MCTP1: variants seen among roughly 807,000 people sequenced by gnomAD.
The protein encoded by MCTP1 is multiple C2 and transmembrane domain-containing protein 1.
In MCTP1, 69 loss-of-function variants were observed where a neutral mutation model predicts 120.6. The observed-to-expected ratio is 0.57, with a 90% CI of 0.47 to 0.70. The LOEUF is 0.70. Ranked by LOEUF, MCTP1 falls within the 30% of genes least tolerant of loss-of-function variation. MCTP1 has a pLI of 0.00. For missense variants in MCTP1, 1,203 were observed against 1,248.8 expected (o/e 0.96, Z 0.55); for synonymous variants, 529 against 493.1 (o/e 1.07, Z -0.96).
At chr5:95,148,799 A>G (rs1007168901) in intron 1 of MCTP1, among the ~76,000 whole-genome samples, 3 of 152,060 alleles carry the variant, frequency 2.0e-5, no homozygotes, top group South Asian at 2.1e-4. Flanking sequence ...TTCTCATCTG[A>G]GAGGGCTGGT....
Position 94,704,342 on chromosome 5 carries a change from A to ATAAC in MCTP1, c.*3150_*3153dup, listed in dbSNP as rs1371340849. On this transcript the variant is annotated 3_prime_UTR_variant, in exon 23 of 23. Coordinates refer to ENST00000515393, the MANE Select transcript of MCTP1 (RefSeq NM_024717.7). ...ACTTGTATTTCTGGAGCAAAAAGGT[A>ATAAC]TAACTGCCTTATACCTTTTTGTTTG... 3 of 151,612 alleles carry ATAAC rather than the reference A, an allele frequency of 2.0e-5. No homozygotes were observed. The highest frequency in any genetic ancestry group is 7.2e-5 in the African/African-American group (3 of 41,384). The allele number at this position is 151,612 out of a possible 1,614,324, so 9.4% of individuals were successfully genotyped here. A position where few individuals can be genotyped will look rare whatever the true frequency, so the allele number is the denominator to read the frequency against.
intron 19 of MCTP1, among the ~76,000 whole-genome samples, chr5:94,777,927 C>CGTGCGTGTGT (rs1775744781): frequency 1.3e-5 from 2 of 148,850 alleles, no homozygotes; most frequent in South Asian, 2.1e-4. Flanking sequence ...AGAAAGTGTG[C>CGTGCGTGTGT]GTGTGTGTGT....
rs1359559986 is a variant in MCTP1, at chr5:95,232,306, G to T, written c.720+51550C>A. On this transcript the variant is annotated intron_variant, in intron 1 of 22. Transcript: ENST00000515393. ...CAGGACTAACATAATAAAACAAATA[G>T]GATAATGATGATAATAGACTTTAAC... Among the ~76,000 whole-genome samples, 4 of 151,456 alleles carry T rather than the reference G, an allele frequency of 2.6e-5. No individual in the cohort carries two copies. In the East Asian group the frequency reaches 7.7e-4, roughly 29 times the overall value.
chr5:95,211,093 T>G (rs1470348072), intron 1 of MCTP1, among the ~76,000 whole-genome samples: 2 of 152,138 alleles, frequency 1.3e-5, no homozygotes, highest in Non-Finnish European at 2.9e-5. Flanking sequence ...CCTTTCTCTC[T>G]GGCTGCCCTT....
At position 94,707,416 on chromosome 5, in the gene MCTP1, A is replaced by G; in HGVS notation, c.*80T>C. ...GGCAAAATAAATAAAAAGCAGAAAG[A>G]AAGGAAATGCTGCTGAGGCTGAGGG... On this transcript the variant is annotated 3_prime_UTR_variant, in exon 23 of 23. Transcript: ENST00000515393. The G allele has an allele frequency of 5.6e-6, 6 of 1,071,586 alleles. No individual in the cohort carries two copies. Among genetic ancestry groups the G allele is most frequent in the Non-Finnish European group, 7.0e-6 (5 of 715,240 alleles). The allele number at this position is 1,071,586 out of a possible 1,614,324, so 66.4% of individuals were successfully genotyped here. A position where few individuals can be genotyped will look rare whatever the true frequency, so the allele number is the denominator to read the frequency against.
At chr5:95,278,143 T>C (rs1029729393) in intron 1 of MCTP1, among the ~76,000 whole-genome samples, 3 of 150,202 alleles carry the variant, frequency 2.0e-5, no homozygotes, top group Non-Finnish European at 4.4e-5. Flanking sequence ...GAGGGGAAAA[T>C]GTATTTGGAT....
intron 1 of MCTP1, among the ~76,000 whole-genome samples, chr5:95,218,283 G>A (rs1012592985): frequency 6.6e-6 from 1 of 152,220 alleles, no homozygotes; most frequent in East Asian, 1.9e-4. Context: ...GTCAATGGGG[G>A]CAGGAATTTG....
intron 1 of MCTP1, among the ~76,000 whole-genome samples, chr5:95,060,032 A>C (rs1024193162): frequency 6.6e-6 from 1 of 152,202 alleles, no homozygotes; most frequent in Non-Finnish European, 1.5e-5. Context: ...GAAAAGAGAC[A>C]TTCAAGGAGT....
chr5:95,201,504 T>G (rs1455567481), intron 1 of MCTP1, among the ~76,000 whole-genome samples: 901 of 34,172 alleles, frequency 0.026, 134 homozygotes, highest in African/African-American at 0.087. Flanking sequence ...TTTTTTTTTT[T>G]TTTTTTTTTT....
At chr5:94,847,698 A>T (rs902663240) in intron 17 of MCTP1, among the ~76,000 whole-genome samples, 2 of 148,924 alleles carry the variant, frequency 1.3e-5, no homozygotes, top group East Asian at 3.9e-4. Context: ...ATATATATAT[A>T]TATATATGTA....
intron 19 of MCTP1, among the ~76,000 whole-genome samples, chr5:94,732,292 C>T (rs999536882): frequency 3.3e-5 from 5 of 152,144 alleles, no homozygotes; most frequent in East Asian, 3.9e-4. Flanking sequence ...AACACAACTT[C>T]GTAAACTTTT....
intron 19 of MCTP1, among the ~76,000 whole-genome samples, chr5:94,734,673 T>C (rs1424142582): frequency 6.6e-6 from 1 of 152,180 alleles, no homozygotes; most frequent in Non-Finnish European, 1.5e-5. Flanking sequence ...TCCAGGTAGG[T>C]CTTAGACTCC....
chr5:95,024,672 CACACA>C (rs1381994480), intron 1 of MCTP1, among the ~76,000 whole-genome samples: 1 of 151,724 alleles, frequency 6.6e-6, no homozygotes, highest in African/African-American at 2.4e-5. Context: ...CACACACACA[CACACA>C]CCCCTAAATG....
intron 1 of MCTP1, among the ~76,000 whole-genome samples, chr5:95,070,460 A>T (rs201816365): frequency 6.6e-6 from 1 of 152,192 alleles, no homozygotes; most frequent in Admixed American, 6.5e-5. Flanking sequence ...CTCAGCTTCC[A>T]CAGCCACTCT....
At chr5:94,785,155 C>T (rs1414265692) in intron 18 of MCTP1, among the ~76,000 whole-genome samples, 1 of 152,082 alleles carries the variant, frequency 6.6e-6, no homozygotes. Context: ...AAAACTCTTC[C>T]ATTAAGAAAG....
rs370616384 is a variant in MCTP1, at chr5:94,735,107, T to C, written c.2611-20221A>G. ...GGCCAAAGGATTTGTGTTTTTGTAA[T>C]TTTGGTACTTACTGCCAAATCGCCT... On this transcript the variant is annotated intron_variant, in intron 19 of 22. Coordinates refer to ENST00000515393, the MANE Select transcript of MCTP1 (RefSeq NM_024717.7). Among the ~76,000 whole-genome samples the C allele has an allele frequency of 2.0e-4, 31 of 152,336 alleles. No homozygotes were observed. The East Asian group carries it at 6.0e-3, about 29-fold the overall frequency.
At chr5:94,998,446 G>A (rs1342975325) in intron 2 of MCTP1, among the ~76,000 whole-genome samples, 1 of 152,144 alleles carries the variant, frequency 6.6e-6, no homozygotes, top group Non-Finnish European at 1.5e-5. Context: ...CCTGCAGTTA[G>A]GCAGAAACCC....
intron 18 of MCTP1, among the ~76,000 whole-genome samples, chr5:94,785,433 T>G (rs116789154): frequency 0.016 from 2,397 of 152,218 alleles, 56 homozygotes; most frequent in African/African-American, 0.054. Context: ...TAACCTGGAA[T>G]GTGCTTTTTA....
Position 95,117,602 on chromosome 5 carries a change from T to C in MCTP1, c.721-100118A>G, listed in dbSNP as rs371852844. ...AGTTCAACCATTGTAGAAGACAGTG[T>C]AGCAATTCCTCAAAGATCTAGAACC... On this transcript the variant is annotated intron_variant, in intron 1 of 22. Transcript: ENST00000515393. Among the ~76,000 whole-genome samples the C allele has an allele frequency of 6.4e-4, 98 of 152,256 alleles. 2 individuals carry two copies. In the East Asian group the frequency reaches 0.012, roughly 18 times the overall value.
Sources: gnomAD v4.1 joint callset for allele counts (sites outside exome capture counted in the v4.1 genomes callset) on GRCh38, gnomAD v4.1.1 for gene constraint, MANE v1.5 for transcripts, NCBI Gene and HGNC (gene_info 2026-07-23, HGNC 2026-07-21) for gene names.